The following SPOCK1 variants were observed in gnomAD, a reference collection of about 807,000 sequenced individuals.
The protein encoded by SPOCK1 is SPARC (osteonectin), cwcv and kazal like domains proteoglycan 1, also known as testican-1.
Under a neutral mutation model 55.3 loss-of-function variants are expected in SPOCK1, and 23 were observed. That is an observed-to-expected ratio of 0.42 (90% confidence interval 0.30 to 0.59). The LOEUF (loss-of-function observed/expected upper bound fraction) is 0.59, where lower values mean the gene tolerates loss of function less well. Among genes scored for constraint, SPOCK1 ranks in the 20% least tolerant of loss-of-function variants. SPOCK1 has a pLI of 0.22. For missense variants in SPOCK1, 499 were observed against 552.5 expected (o/e 0.90, Z 0.97); for synonymous variants, 226 against 221.0 (o/e 1.02, Z -0.20).
chr5:137,207,287 G>A (rs890211994), intron 3 of SPOCK1, among the ~76,000 whole-genome samples: 2 of 152,238 alleles, frequency 1.3e-5, no homozygotes, highest in Non-Finnish European at 2.9e-5. Context: ...CCTGGAACAG[G>A]CCCACCAGCA....
chr5:137,364,524 C>A (rs930194726), intron 2 of SPOCK1, among the ~76,000 whole-genome samples: 1 of 152,178 alleles, frequency 6.6e-6, no homozygotes, highest in African/African-American at 2.4e-5. Flanking sequence ...GGTCCCACAG[C>A]CCTGGTGATA....
At chr5:137,496,119 T>C (rs2149846594) in intron 2 of SPOCK1, among the ~76,000 whole-genome samples, 1 of 152,318 alleles carries the variant, frequency 6.6e-6, no homozygotes, top group Admixed American at 6.5e-5. Flanking sequence ...CTAAAGGCAG[T>C]ATTTCCTAAA....
intron 5 of SPOCK1, among the ~76,000 whole-genome samples, chr5:137,068,271 G>C (rs562357245): frequency 6.6e-6 from 1 of 152,242 alleles, no homozygotes; most frequent in African/African-American, 2.4e-5. Flanking sequence ...GGAGGGAAGA[G>C]TAACAATCCC....
chr5:137,389,594 C>T (rs969737654), intron 2 of SPOCK1, among the ~76,000 whole-genome samples: 4 of 152,246 alleles, frequency 2.6e-5, no homozygotes, highest in African/African-American at 9.6e-5. Flanking sequence ...CCACAGAGCA[C>T]TTGCAGGTCT....
chr5:137,251,663 G>T (rs1865404), intron 3 of SPOCK1, among the ~76,000 whole-genome samples: 3 of 152,134 alleles, frequency 2.0e-5, no homozygotes, highest in Non-Finnish European at 2.9e-5. Context: ...GGTGAGACCT[G>T]TTTATGTAGG....
intron 4 of SPOCK1, among the ~76,000 whole-genome samples, chr5:137,119,181 T>G (rs999748271): frequency 2.0e-5 from 3 of 152,048 alleles, no homozygotes; most frequent in Non-Finnish European, 4.4e-5. Flanking sequence ...ATAATAAGAG[T>G]CTTTGTTTCC....
intron 3 of SPOCK1, among the ~76,000 whole-genome samples, chr5:137,256,479 A>G (rs376264545): frequency 1.3e-5 from 2 of 152,198 alleles, no homozygotes; most frequent in African/African-American, 4.8e-5. Context: ...CAGGCATCAC[A>G]TGGTGACAGA....
intron 6 of SPOCK1, among the ~76,000 whole-genome samples, chr5:137,031,200 G>A (rs1474254909): frequency 2.0e-5 from 3 of 152,096 alleles, no homozygotes. Flanking sequence ...GGAAAGAGAA[G>A]AAACAATACA....
intron 2 of SPOCK1, among the ~76,000 whole-genome samples, chr5:137,285,853 C>A (rs1442763520): frequency 6.6e-6 from 1 of 152,130 alleles, no homozygotes; most frequent in Non-Finnish European, 1.5e-5. Flanking sequence ...CAGGGCTCAC[C>A]CTCCAAAGTG....
intron 3 of SPOCK1, among the ~76,000 whole-genome samples, chr5:137,229,611 G>A (rs1189566155): frequency 6.6e-6 from 1 of 152,220 alleles, no homozygotes; most frequent in East Asian, 1.9e-4. Context: ...TCAGACGAGA[G>A]ATGTATTAAG....
chr5:137,015,266 C>A lies in SPOCK1; in HGVS notation c.590-22666G>T, dbSNP rs368471411. Among the ~76,000 whole-genome samples the A allele has an allele frequency of 2.7e-4, 39 of 143,766 alleles. No individual in the cohort carries two copies. In the East Asian group the frequency reaches 4.3e-3, roughly 16 times the overall value. 94.3% of individuals were successfully genotyped at this position (143,766 alleles called of 152,430 possible). A position where few individuals can be genotyped will look rare whatever the true frequency, so the allele number is the denominator to read the frequency against. ...ACCATCCTGGCTAACACAGTGAAAC[C>A]CCATCTCTACTAAAAATACAAAAAA... On this transcript the variant is annotated intron_variant, in intron 6 of 10. Coordinates refer to ENST00000394945, the MANE Select transcript of SPOCK1 (RefSeq NM_004598.4).
rs376267698 is a variant in SPOCK1 at position 137,498,361 on chromosome 5, G to T, written c.186+12C>A. 5.7e-6 allele frequency: 9 copies of T among 1,577,604 alleles called. No individual in the cohort carries two copies. The African/African-American group carries it at 1.1e-4, about 19-fold the overall frequency. ...TCCGCGCCCCCCAGGGCCGGGTGGC[G>T]CCGGTACTCACGTCTCGAAAGCGGT... On this transcript the variant is annotated intron_variant, in intron 2 of 10. Transcript: ENST00000394945.
chr5:136,982,734 G>GTCATT (rs1204475471), intron 9 of SPOCK1, among the ~76,000 whole-genome samples: 1 of 151,904 alleles, frequency 6.6e-6, no homozygotes, highest in Admixed American at 6.6e-5. Context: ...TAGCAGAATT[G>GTCATT]TCATTTCTTT....
intron 2 of SPOCK1, among the ~76,000 whole-genome samples, chr5:137,268,545 A>T (rs574926710): frequency 6.6e-6 from 1 of 152,354 alleles, no homozygotes; most frequent in South Asian, 2.1e-4. Flanking sequence ...GAAACTCGGC[A>T]GCCACTGTTA....
At chr5:137,284,895 C>A (rs1324933287) in intron 2 of SPOCK1, among the ~76,000 whole-genome samples, 1 of 151,934 alleles carries the variant, frequency 6.6e-6, no homozygotes, top group Non-Finnish European at 1.5e-5. Context: ...TGCTATGACA[C>A]TGGACCTCTG....
chr5:137,264,896 A>G (rs759328181), intron 3 of SPOCK1, among the ~76,000 whole-genome samples: 3 of 152,184 alleles, frequency 2.0e-5, no homozygotes, highest in Non-Finnish European at 2.9e-5. Context: ...GGTTCTGTAT[A>G]TAAATAGCCA....
intron 3 of SPOCK1, among the ~76,000 whole-genome samples, chr5:137,202,968 C>T (rs917548076): frequency 2.0e-5 from 3 of 152,168 alleles, no homozygotes; most frequent in African/African-American, 7.2e-5. Context: ...TCAAAGCACT[C>T]GACTAATTAA....
At chr5:137,407,002 G>A (rs950027849) in intron 2 of SPOCK1, among the ~76,000 whole-genome samples, 13 of 152,192 alleles carry the variant, frequency 8.5e-5, no homozygotes, top group African/African-American at 3.1e-4. Flanking sequence ...TAAGTGAGTG[G>A]CCAAGCTGGG....
intron 3 of SPOCK1, among the ~76,000 whole-genome samples, chr5:137,227,440 G>T (rs1447832877): frequency 3.3e-5 from 5 of 152,206 alleles, no homozygotes; most frequent in African/African-American, 1.2e-4. Context: ...CACTGACTTA[G>T]GATTTAAAGT....
Sources: gnomAD v4.1 joint callset for allele counts (sites outside exome capture counted in the v4.1 genomes callset) on GRCh38, gnomAD v4.1.1 for gene constraint, MANE v1.5 for transcripts, NCBI Gene and HGNC (gene_info 2026-07-23, HGNC 2026-07-21) for gene names.